KCNT1: variants seen among roughly 807,000 people sequenced by gnomAD.
KCNT1 encodes potassium channel subfamily T member 1.
Under a neutral mutation model 147.8 loss-of-function variants are expected in KCNT1, and 78 were observed. The ratio of observed to expected loss-of-function variants is 0.53; its 90% CI spans 0.44 to 0.64. The LOEUF (loss-of-function observed/expected upper bound fraction) is 0.64, where lower values mean the gene tolerates loss of function less well. Ranked by LOEUF, KCNT1 falls within the 30% of genes least tolerant of loss-of-function variation. KCNT1 has a pLI of 0.00. For missense variants in KCNT1, 1,419 were observed against 1,750.3 expected (o/e 0.81, Z 3.38); for synonymous variants, 867 against 748.8 (o/e 1.16, Z -2.58).
chr9:135,786,122 AG>A, intron 28 of KCNT1, 74 bp from the exon 29 acceptor site: 7 of 1,366,896 alleles, frequency 5.1e-6, no homozygotes, highest in Non-Finnish European at 7.0e-6. Context: ...CCTCTTCCTA[AG>A]CCCCTGCCCC....
chr9:135,765,463 AGGGGCCCTGCGG>A (rs898459791), intron 12 of KCNT1, among the ~76,000 whole-genome samples, 149 bp from the exon 13 acceptor site: 14 of 152,064 alleles, frequency 9.2e-5, no homozygotes, highest in Non-Finnish European at 2.1e-4. Context: ...AGTCAGGTGG[AGGGGCCCTGCGG>A]GGGCCCCTCT....
rs1233784993 is a variant in KCNT1, at chr9:135,777,430, G to A, written c.2442G>A (p.Leu814=). ...IVSAETAGNG[L]YNFIVPLRAY... ...CGGCAGAGACGGCCGGCAATGGGCT[G>A]TACAACTTCATCGTGCCACTGCGGG... Residue 814 remains leucine, a synonymous_variant, in exon 21 of 31, where the codon CTG becomes CTA. Transcript: ENST00000371757. 38 of 1,614,062 alleles carry A rather than the reference G, an allele frequency of 2.4e-5. No homozygotes were observed. Among genetic ancestry groups the A allele is most frequent in the Non-Finnish European group, 3.1e-5 (36 of 1,179,982 alleles).
At chr9:135,774,852 CT>C (rs386739504) in intron 19 of KCNT1, among the ~76,000 whole-genome samples, 3,958 of 152,182 alleles carry the variant, frequency 0.026, 66 homozygotes, top group Middle Eastern at 0.11. Flanking sequence ...CCGCCACCCC[CT>C]TCCACACCTG....
At chr9:135,771,873 G>A (rs964677292) in intron 18 of KCNT1, among the ~76,000 whole-genome samples, 3 of 151,996 alleles carry the variant, frequency 2.0e-5, no homozygotes, top group Non-Finnish European at 2.9e-5. Flanking sequence ...TGCCACCTCC[G>A]TACAGTGGCC....
intron 3 of KCNT1, chr9:135,750,499 T>C: frequency 1.7e-5 from 8 of 484,072 alleles, no homozygotes; most frequent in South Asian, 1.6e-4. Flanking sequence ...GTCTCCCCTG[T>C]GGCCACGCCC....
chr9:135,762,616 G>T (rs530844436), intron 11 of KCNT1, among the ~76,000 whole-genome samples: 54 of 152,200 alleles, frequency 3.5e-4, no homozygotes, highest in Admixed American at 7.9e-4. Flanking sequence ...CAGGCATGAT[G>T]GCACACAGCT....
At chr9:135,785,253 G>A (rs567286986) in intron 27 of KCNT1, 57 bp from the exon 28 acceptor site, 20 of 1,604,866 alleles carry the variant, frequency 1.2e-5, no homozygotes, top group South Asian at 4.5e-5. Flanking sequence ...AGGCTGAGGC[G>A]GCGTGGGGGG....
intron 2 of KCNT1, among the ~76,000 whole-genome samples, chr9:135,715,812 G>A (rs375956394): frequency 1.4e-4 from 22 of 152,300 alleles, no homozygotes; most frequent in African/African-American, 5.1e-4. Context: ...TGCGGGGAAT[G>A]GAATATTCTA....
chr9:135,734,936 G>A (rs1164526653), intron 2 of KCNT1, among the ~76,000 whole-genome samples: 1 of 152,168 alleles, frequency 6.6e-6, no homozygotes, highest in Non-Finnish European at 1.5e-5. Flanking sequence ...GGGTGGTGCG[G>A]GGCTCCGCCT....
At chr9:135,737,817 C>T (rs1004483625) in intron 2 of KCNT1, among the ~76,000 whole-genome samples, 2 of 152,204 alleles carry the variant, frequency 1.3e-5, no homozygotes, top group Non-Finnish European at 2.9e-5. Flanking sequence ...CTCTTCACAG[C>T]AGCCCTGGGG....
At chr9:135,732,024 A>AGAGAGAGGGAGAGAGAGAGAGAGG (rs1554766189) in intron 2 of KCNT1, among the ~76,000 whole-genome samples, 1 of 65,116 alleles carries the variant, frequency 1.5e-5, no homozygotes. Context: ...AGAGAGAGAG[A>AGAGAGAGGGAGAGAGAGAGAGAGG]GAGAGAGAGA....
At chr9:135,738,300 G>A (rs1420323220) in intron 2 of KCNT1, among the ~76,000 whole-genome samples, 1 of 152,208 alleles carries the variant, frequency 6.6e-6, no homozygotes, top group Non-Finnish European at 1.5e-5. Flanking sequence ...GCCTCCTTTT[G>A]CAGAGCAGAG....
At chr9:135,706,289 C>T (rs1835251706) in intron 1 of KCNT1, among the ~76,000 whole-genome samples, 1 of 152,270 alleles carries the variant, frequency 6.6e-6, no homozygotes, top group Non-Finnish European at 1.5e-5. Flanking sequence ...ACGCACCAGC[C>T]TGTGTTGACA....
intron 1 of KCNT1, among the ~76,000 whole-genome samples, chr9:135,704,301 G>A (rs966106087): frequency 1.3e-5 from 2 of 152,300 alleles, no homozygotes; most frequent in South Asian, 2.1e-4. Flanking sequence ...GTTCAGAGGG[G>A]CCAGGAGGTG....
chr9:135,788,660 T>TC (rs1271841188), intron 29 of KCNT1, among the ~76,000 whole-genome samples: 1 of 152,090 alleles, frequency 6.6e-6, no homozygotes, highest in Non-Finnish European at 1.5e-5. Flanking sequence ...GGGTGGGGAC[T>TC]CCAAGCCACG....
At chr9:135,784,189 C>G in intron 25 of KCNT1, 64 bp downstream of exon 25, 2 of 1,267,616 alleles carry the variant, frequency 1.6e-6, no homozygotes, top group African/African-American at 1.5e-5. Context: ...GCCCTCAGCT[C>G]TTCAGCCTGG....
At chr9:135,777,307 C>T in intron 20 of KCNT1, 31 bp from the exon 21 acceptor site, 1 of 1,581,838 alleles carries the variant, frequency 6.3e-7, no homozygotes, top group East Asian at 2.2e-5. Context: ...ACAGCCCTGA[C>T]TCCAGCCCTG....
At chr9:135,743,331 G>A (rs1046105954) in intron 2 of KCNT1, among the ~76,000 whole-genome samples, 2 of 152,164 alleles carry the variant, frequency 1.3e-5, no homozygotes, top group Admixed American at 6.5e-5. Flanking sequence ...CAGGCCCTGC[G>A]CACTCCTGGG....
In KCNT1 at chr9:135,757,376, A is replaced by G; in HGVS notation, c.754A>G (p.Met252Val). Residue 252 changes from methionine to valine, a missense_variant, in exon 9 of 31, where the codon ATG (methionine) becomes GTG (valine). By Grantham distance (21) the Met-to-Val change is conservative. Around this residue, in one of 5 missense-constraint regions of KCNT1, gnomAD observed 401 missense variants for 610.6 expected, o/e 0.66. Transcript: ENST00000371757. The part of the protein sequence containing the change: ...CWLAKHALEN[M>V]INDFHRAILR... ...GCTGGCCAAGCACGCGCTGGAAAACATGATTGTAAGCCGGGGCGGGGGGTG... is the reference window on the plus strand; with the variant it reads ...GCTGGCCAAGCACGCGCTGGAAAACGTGATTGTAAGCCGGGGCGGGGGGTG... The G allele has an allele frequency of 1.2e-6, 2 of 1,608,094 alleles. No individual in the cohort carries two copies. The highest frequency in any genetic ancestry group is 1.7e-6 in the Non-Finnish European group (2 of 1,179,718).
Sources: allele counts gnomAD v4.1 joint callset (sites outside exome capture counted in the v4.1 genomes callset), GRCh38; gene constraint gnomAD v4.1.1; regional missense constraint gnomAD v4.1.1; transcripts MANE v1.5; gene names NCBI Gene and HGNC (gene_info 2026-07-23, HGNC 2026-07-21).